Variants in VTI1A observed in about 807,000 individuals in gnomAD.
VTI1A encodes vesicle transport through interaction with t-SNAREs 1A, also known as vesicle transport through interaction with t-SNAREs homolog 1A.
VTI1A carries 22 observed loss-of-function variants against 34.9 expected under a neutral mutation model. That is an observed-to-expected ratio of 0.63 (90% CI 0.45 to 0.90). The LOEUF is 0.90. VTI1A is among the 40% of genes least tolerant of loss of function. The pLI is 0.00. For synonymous variants in VTI1A, 87 were observed against 97.3 expected, an observed-to-expected ratio of 0.89 and a Z score of 0.62; for missense variants, 268 against 275.6, an observed-to-expected ratio of 0.97 and a Z score of 0.20.
At chr10:112,805,959 C>G (rs1320369162) in intron 7 of VTI1A, among the ~76,000 whole-genome samples, 1 of 152,202 alleles carries the variant, frequency 6.6e-6, no homozygotes, top group Non-Finnish European at 1.5e-5. Flanking sequence ...TACTGACTAT[C>G]TGGCCCTCTG....
intron 5 of VTI1A, among the ~76,000 whole-genome samples, chr10:112,604,170 G>C (rs1844985924): frequency 6.6e-6 from 1 of 152,156 alleles, no homozygotes; most frequent in African/African-American, 2.4e-5. Flanking sequence ...GAGCCACACT[G>C]CCTGGTTTTA....
chr10:112,548,979 T>G, intron 5 of VTI1A: 1 of 633,376 alleles, frequency 1.6e-6, no homozygotes. Context: ...CTTCTTCTCC[T>G]TCCCTGCCCT....
intron 7 of VTI1A, among the ~76,000 whole-genome samples, chr10:112,727,770 G>A (rs1850092043): frequency 6.6e-6 from 1 of 151,722 alleles, no homozygotes; most frequent in African/African-American, 2.4e-5. Flanking sequence ...TAAATGAAAG[G>A]CAAACGAGAT....
At chr10:112,530,344 T>C (rs934736307) in intron 4 of VTI1A, among the ~76,000 whole-genome samples, 1 of 152,140 alleles carries the variant, frequency 6.6e-6, no homozygotes, top group Admixed American at 6.5e-5. Flanking sequence ...TTTGAAAGAG[T>C]TGAGTTCTTG....
chr10:112,850,598 C>T, the VTI1A span, among the ~76,000 whole-genome samples: 1 of 152,154 alleles, frequency 6.6e-6, no homozygotes, highest in African/African-American at 2.4e-5. Flanking sequence ...TTCTGCAGAG[C>T]ACCTTCTGTT....
intron 5 of VTI1A, among the ~76,000 whole-genome samples, chr10:112,665,400 A>G (rs1847608318): frequency 6.6e-6 from 1 of 152,076 alleles, no homozygotes; most frequent in Admixed American, 6.6e-5. Context: ...AATTTTCTAT[A>G]TTAGAGCATT....
At chr10:112,452,566 CAAAAAAA>C in intron 1 of VTI1A, among the ~76,000 whole-genome samples, 1 of 134,746 alleles carries the variant, frequency 7.4e-6, no homozygotes, top group Non-Finnish European at 1.6e-5. Flanking sequence ...GACTCTGTCT[CAAAAAAA>C]AAAAAAAAAA....
chr10:112,455,161 TCCTCCCCTCCTCC>T (rs1847395872), intron 1 of VTI1A, among the ~76,000 whole-genome samples: 2 of 2,716 alleles, frequency 7.4e-4, no homozygotes, highest in African/African-American at 2.6e-3. Context: ...TCCCCTTCCC[TCCTCCCCTCCTCC>T]CCTCCCCTCC....
chr10:112,581,640 C>T (rs17129868), intron 5 of VTI1A, among the ~76,000 whole-genome samples: 15,548 of 152,134 alleles, frequency 0.1, 2,106 homozygotes, highest in African/African-American at 0.31. Context: ...GATGATGATG[C>T]AGATATAGAC....
At chr10:112,468,689 C>G (rs1452577092) in intron 3 of VTI1A, among the ~76,000 whole-genome samples, 1 of 152,176 alleles carries the variant, frequency 6.6e-6, no homozygotes, top group Non-Finnish European at 1.5e-5. Flanking sequence ...CTCCCATAAC[C>G]TCCTCTGTGT....
chr10:112,823,272 G>A (rs1239977709), downstream of VTI1A, among the ~76,000 whole-genome samples: 4 of 152,242 alleles, frequency 2.6e-5, no homozygotes, highest in Non-Finnish European at 5.9e-5. Context: ...GCCAGGGATA[G>A]GAATGGGGAC....
At chr10:112,822,487 G>T (rs2134104388), downstream of VTI1A, among the ~76,000 whole-genome samples, 1 of 152,308 alleles carries the variant, frequency 6.6e-6, no homozygotes, top group South Asian at 2.1e-4. Flanking sequence ...CCCTCCTGAG[G>T]CTGAAGGAAG....
intron 5 of VTI1A, among the ~76,000 whole-genome samples, chr10:112,649,040 T>C (rs1241151015): frequency 6.6e-6 from 1 of 152,154 alleles, no homozygotes; most frequent in Non-Finnish European, 1.5e-5. Context: ...AAGTGGAGAA[T>C]GGGATTTGCC....
At chr10:112,723,474 G>C (rs754562697) in intron 7 of VTI1A, among the ~76,000 whole-genome samples, 1 of 152,170 alleles carries the variant, frequency 6.6e-6, no homozygotes, top group Non-Finnish European at 1.5e-5. Flanking sequence ...TCAGGCCATA[G>C]CTCTGCAAGG....
intron 7 of VTI1A, among the ~76,000 whole-genome samples, chr10:112,710,153 C>T (rs1279611357): frequency 6.6e-6 from 1 of 150,566 alleles, no homozygotes; most frequent in Non-Finnish European, 1.5e-5. Context: ...AATATTGGCC[C>T]ATGAGGATTT....
chr10:112,853,279 C>T, the VTI1A span, among the ~76,000 whole-genome samples: 1 of 152,218 alleles, frequency 6.6e-6, no homozygotes, highest in Admixed American at 6.5e-5. Flanking sequence ...CTGCCCACAT[C>T]CTTGTCCTTG....
At chr10:112,529,329 G>A (rs748179347) in intron 4 of VTI1A, among the ~76,000 whole-genome samples, 2 of 152,034 alleles carry the variant, frequency 1.3e-5, no homozygotes, top group Non-Finnish European at 2.9e-5. Context: ...TTGTTTTAAG[G>A]CTCTTTGTCA....
intron 7 of VTI1A, among the ~76,000 whole-genome samples, chr10:112,774,182 A>G (rs1009009794): frequency 2.6e-5 from 4 of 152,246 alleles, no homozygotes; most frequent in African/African-American, 9.6e-5. Flanking sequence ...CTGAGCATTC[A>G]GGTCTGGAGC....
chr10:112,452,297 G>A (rs938273416), intron 1 of VTI1A, among the ~76,000 whole-genome samples: 1 of 152,140 alleles, frequency 6.6e-6, no homozygotes. Context: ...AGGGCCGGGC[G>A]CGGTGGCTCA....
Sources: allele counts gnomAD v4.1 joint callset (sites outside exome capture counted in the v4.1 genomes callset), GRCh38; gene constraint gnomAD v4.1.1; transcripts MANE v1.5; gene names NCBI Gene and HGNC (gene_info 2026-07-23, HGNC 2026-07-21).